Variants in SLC6A11 observed in about 807,000 individuals in gnomAD.
SLC6A11 encodes the protein sodium- and chloride-dependent GABA transporter 3.
Under a neutral mutation model 74.8 loss-of-function variants are expected in SLC6A11, and 25 were observed. The ratio of observed to expected loss-of-function variants is 0.33; its 90% CI spans 0.24 to 0.47. The LOEUF (loss-of-function observed/expected upper bound fraction) is 0.47, where lower values mean the gene tolerates loss of function less well. SLC6A11 is among the 20% of genes least tolerant of loss of function. The probability of loss-of-function intolerance (pLI) is 1.00; values close to 1 mark genes in which losing one functional copy is unlikely to be tolerated. For synonymous variants in SLC6A11, 330 were observed against 330.2 expected (o/e 1.00, Z 0.01); for missense variants, 574 against 837.0 (o/e 0.69, Z 3.88).
intron 6 of SLC6A11, 68 bp from the exon 7 acceptor site, chr3:10,912,022 G>T: frequency 9.4e-7 from 1 of 1,066,518 alleles, no homozygotes; most frequent in South Asian, 1.3e-5. Context: ...GGATTTCAGA[G>T]ACCAGGGCTA....
chr3:10,905,114 T>G (rs1159885431), intron 6 of SLC6A11, among the ~76,000 whole-genome samples: 1 of 152,220 alleles, frequency 6.6e-6, no homozygotes, highest in Non-Finnish European at 1.5e-5. Context: ...ATTTTGTTTG[T>G]CTGTGCTTGT....
At chr3:10,923,665 G>C (rs553940496) in intron 8 of SLC6A11, among the ~76,000 whole-genome samples, 1 of 152,218 alleles carries the variant, frequency 6.6e-6, no homozygotes, top group East Asian at 1.9e-4. Flanking sequence ...CCCACCAATG[G>C]ATACTAAAAT....
chr3:10,920,892 A>G (rs890790057), intron 8 of SLC6A11, among the ~76,000 whole-genome samples: 5 of 152,182 alleles, frequency 3.3e-5, no homozygotes, highest in African/African-American at 1.2e-4. Context: ...GGATCACACC[A>G]AGACCCTCTT....
intron 5 of SLC6A11, 99 bp from the exon 6 acceptor site, chr3:10,874,862 G>A (rs1021688528): frequency 1.6e-6 from 2 of 1,216,480 alleles, no homozygotes; most frequent in South Asian, 1.7e-5. Context: ...TGGGAGAGAG[G>A]GTCCTGGTGC....
intron 13 of SLC6A11, 33 bp downstream of exon 13, chr3:10,935,232 G>C: frequency 6.2e-7 from 1 of 1,606,264 alleles, no homozygotes; most frequent in Non-Finnish European, 8.5e-7. Context: ...GGTGCGTTTG[G>C]GCAGGGTTCG....
intron 6 of SLC6A11, among the ~76,000 whole-genome samples, chr3:10,887,594 C>T (rs11712487): frequency 0.036 from 5,433 of 152,106 alleles, 162 homozygotes; most frequent in East Asian, 0.11. Flanking sequence ...TACAGCTGTG[C>T]GCCTCCACAT....
At chr3:10,921,567 A>G (rs1695537845) in intron 8 of SLC6A11, among the ~76,000 whole-genome samples, 1 of 152,244 alleles carries the variant, frequency 6.6e-6, no homozygotes, top group Non-Finnish European at 1.5e-5. Context: ...GTAAAACTAA[A>G]CAAAATAAGC....
At chr3:10,935,388 C>G (rs943454339) in intron 13 of SLC6A11, 189 bp downstream of exon 13, 5 of 582,040 alleles carry the variant, frequency 8.6e-6, no homozygotes, top group African/African-American at 7.5e-5. Flanking sequence ...AGTCTTTTGG[C>G]TGAGCCAGTT....
At chr3:10,889,040 AC>A (rs566903577) in intron 6 of SLC6A11, among the ~76,000 whole-genome samples, 17 of 150,606 alleles carry the variant, frequency 1.1e-4, no homozygotes, top group Non-Finnish European at 1.9e-4. Flanking sequence ...AGGATCTTTA[AC>A]CCCCCTCTCC....
At chr3:10,854,352 G>T (rs1409204700) in intron 5 of SLC6A11, among the ~76,000 whole-genome samples, 6 of 152,192 alleles carry the variant, frequency 3.9e-5, no homozygotes, top group Non-Finnish European at 8.8e-5. Context: ...TCGCACCACT[G>T]CACTCCAGCC....
In SLC6A11 at chr3:10,835,216, G is replaced by T. The variant is rs55919864; in HGVS notation, c.624-8998G>T. On this transcript the variant is annotated intron_variant, in intron 4 of 13. Transcript: ENST00000254488. ...CAGATTTGCTTCCCCTCGGGCACATGTGGGAAACCTGTAGGGCAGCCGTGA... is the reference window on the plus strand; with the variant it reads ...CAGATTTGCTTCCCCTCGGGCACATTTGGGAAACCTGTAGGGCAGCCGTGA... 6.6e-3 allele frequency among the ~76,000 whole-genome samples: 1,000 copies of T among 152,334 alleles called. 10 individuals are homozygous for T. The highest frequency in any genetic ancestry group is 0.023 in the African/African-American group (959 of 41,574).
chr3:10,895,835 A>G (rs907398637), intron 6 of SLC6A11, among the ~76,000 whole-genome samples: 1 of 151,876 alleles, frequency 6.6e-6, no homozygotes, highest in Non-Finnish European at 1.5e-5. Flanking sequence ...GGGGCTTACT[A>G]CCTAGGTGAT....
In SLC6A11 at chr3:10,918,500, G is replaced by C. The variant is rs920037212; in HGVS notation, c.1120+47G>C. 3.2e-6 allele frequency: 5 copies of C among 1,569,094 alleles called. No individual in the cohort carries two copies. In the African/African-American group the frequency reaches 7.0e-5, roughly 22 times the overall value. On this transcript the variant is annotated intron_variant, in intron 8 of 13. Coordinates refer to ENST00000254488, the MANE Select transcript of SLC6A11 (RefSeq NM_014229.3). The surrounding 1 kb of genome is among the most constrained non-coding windows in gnomAD (Gnocchi z 4.5). ...ATGGAAAAGGCGGCAAGGGAGGCCA[G>C]GAGTGATGGTCATCATGGAAATGCG...
intron 6 of SLC6A11, among the ~76,000 whole-genome samples, chr3:10,877,377 T>C (rs931927764): frequency 2.6e-5 from 4 of 152,188 alleles, no homozygotes; most frequent in Admixed American, 2.6e-4. Flanking sequence ...GAGGAATCCA[T>C]GCACAGGCTT....
intron 6 of SLC6A11, among the ~76,000 whole-genome samples, chr3:10,883,865 A>G (rs564518445): frequency 3.9e-5 from 6 of 152,136 alleles, no homozygotes; most frequent in Non-Finnish European, 4.4e-5. Flanking sequence ...GGTGGGGGCC[A>G]CTACTTGAGA....
At chr3:10,933,312 G>C (rs1356556089) in intron 11 of SLC6A11, 59 bp downstream of exon 11, 2 of 1,199,458 alleles carry the variant, frequency 1.7e-6, no homozygotes, top group Non-Finnish European at 2.5e-6. Flanking sequence ...CAGGATCCTG[G>C]TGCTTGGACT....
intron 13 of SLC6A11, among the ~76,000 whole-genome samples, chr3:10,936,079 C>A (rs1205763360): frequency 6.6e-6 from 1 of 152,222 alleles, no homozygotes; most frequent in East Asian, 1.9e-4. Flanking sequence ...TCCTTCCCTA[C>A]CGCTGGCAGC....
chr3:10,873,879 T>C (rs1236585345), intron 5 of SLC6A11, among the ~76,000 whole-genome samples: 1 of 152,176 alleles, frequency 6.6e-6, no homozygotes, highest in African/African-American at 2.4e-5. Context: ...TATGCTATGT[T>C]ATCCTATGCT....
chr3:10,871,861 C>T (rs1481286477), intron 5 of SLC6A11, among the ~76,000 whole-genome samples: 1 of 152,118 alleles, frequency 6.6e-6, no homozygotes, highest in Non-Finnish European at 1.5e-5. Context: ...ATTGGTGGTG[C>T]AGGGGCCATG....
Sources: gnomAD v4.1 joint callset for allele counts (sites outside exome capture counted in the v4.1 genomes callset) on GRCh38, gnomAD v4.1.1 for gene constraint, Gnocchi (gnomAD v3.1) non-coding constraint, MANE v1.5 for transcripts, NCBI Gene and HGNC (gene_info 2026-07-23, HGNC 2026-07-21) for gene names.